Variants in PROX2 observed in about 807,000 individuals in gnomAD.
The protein encoded by PROX2 is prospero homeobox protein 2.
Under a neutral mutation model 48.9 loss-of-function variants are expected in PROX2, and 46 were observed. The ratio of observed to expected loss-of-function variants is 0.94; its 90% confidence interval spans 0.74 to 1.20. The LOEUF is 1.20. Ranked by LOEUF, PROX2 falls within the 50% of genes most tolerant of loss-of-function variation. PROX2 has a pLI of 0.00. For missense variants in PROX2, 663 were observed against 719.4 expected (o/e 0.92, Z 0.90); for synonymous variants, 260 against 276.6 (o/e 0.94, Z 0.60).
chr14:74,872,529 T>C (rs1040548468), intron 1 of PROX2, among the ~76,000 whole-genome samples: 1 of 152,190 alleles, frequency 6.6e-6, no homozygotes, highest in African/African-American at 2.4e-5. Flanking sequence ...CATCTGTATA[T>C]GAATACATTT....
rs2140158077 is a variant in PROX2 at position 74,853,315 on chromosome 14, G to A, written c.*1817C>T. 1 of 152,318 alleles carries A rather than the reference G, an allele frequency of 6.6e-6. No homozygotes were observed. Among genetic ancestry groups the A allele is most frequent in the Admixed American group, 6.5e-5 (1 of 15,296 alleles). The allele number at this position is 152,318 out of a possible 1,614,324, so 9.4% of individuals were successfully genotyped here. On this transcript the variant is annotated 3_prime_UTR_variant, in exon 6 of 6. Coordinates refer to ENST00000556489, the MANE Select transcript of PROX2 (RefSeq NM_001243007.2). ...AACTTAGGTATGTAATGTCACTCTG[G>A]ATAGAGGGTTCTTCTACTATGTCCG... is the stretch of plus-strand genomic sequence containing the variant.
chr14:74,857,015 A>C lies in PROX2; in HGVS notation c.1414-20T>G. The C allele has an allele frequency of 6.2e-7, 1 of 1,609,072 alleles. No individual in the cohort carries two copies. The highest frequency in any genetic ancestry group is 1.1e-5 in the South Asian group (1 of 90,926). ...GTTGAACTGTACAAACAAGAGGTCC[A>C]TCCAGTCAGACATTTGCCACGAGGT... On this transcript the variant is annotated intron_variant, in intron 4 of 5. Coordinates refer to ENST00000556489, the MANE Select transcript of PROX2 (RefSeq NM_001243007.2).
chr14:74,864,164 C>T (rs993456559), intron 2 of PROX2, among the ~76,000 whole-genome samples, 156 bp from the exon 3 acceptor site: 2 of 152,100 alleles, frequency 1.3e-5, no homozygotes, highest in Non-Finnish European at 2.9e-5. Flanking sequence ...AGCCAGCTCC[C>T]AGGTAATGCT....
chr14:74,864,714 G>A (rs970496152), intron 2 of PROX2, among the ~76,000 whole-genome samples: 1 of 152,046 alleles, frequency 6.6e-6, no homozygotes, highest in Non-Finnish European at 1.5e-5. Context: ...GATGGCGGGC[G>A]CCTGTTAATC....
chr14:74,853,381 C>T lies in PROX2; in HGVS notation c.*1751G>A, dbSNP rs1352513025. 6.6e-6 allele frequency: 1 copy of T among 152,224 alleles called. No homozygotes were observed. The highest frequency in any genetic ancestry group is 2.4e-5 in the African/African-American group (1 of 41,452). The allele number at this position is 152,224 out of a possible 1,614,324, so 9.4% of individuals were successfully genotyped here. A position where few individuals can be genotyped will look rare whatever the true frequency, so the allele number is the denominator to read the frequency against. The stretch of plus-strand genomic sequence containing the variant: ...TTGCCCTTGCTCAGAGCACTCCATG[C>T]TTGCCTGTGTTTAAAACTTAGGTTT... On this transcript the variant is annotated 3_prime_UTR_variant, in exon 6 of 6. Coordinates refer to ENST00000556489, the MANE Select transcript of PROX2 (RefSeq NM_001243007.2).
At chr14:74,870,125 A>T (rs1327391030) in intron 2 of PROX2, among the ~76,000 whole-genome samples, 1 of 152,098 alleles carries the variant, frequency 6.6e-6, no homozygotes, top group Non-Finnish European at 1.5e-5. Flanking sequence ...TAGATATTAA[A>T]AATACAAAGA....
intron 3 of PROX2, 172 bp from the exon 4 acceptor site, chr14:74,858,686 A>T: frequency 1.8e-6 from 1 of 571,352 alleles, no homozygotes; most frequent in Non-Finnish European, 3.1e-6. Context: ...GCTGGATGAC[A>T]TATGTGCACA....
At chr14:74,873,774 A>G in intron 1 of PROX2, 2 of 466,554 alleles carry the variant, frequency 4.3e-6, no homozygotes, top group Non-Finnish European at 8.4e-6. Flanking sequence ...ACAGTATCCC[A>G]CCAAGCTTCA....
At chr14:74,864,494 G>A (rs777744012) in intron 2 of PROX2, among the ~76,000 whole-genome samples, 5 of 152,156 alleles carry the variant, frequency 3.3e-5, no homozygotes, top group Non-Finnish European at 4.4e-5. Flanking sequence ...TGTCTGATTC[G>A]GAGTGACTTT....
At chr14:74,857,979 C>G (rs1314126657) in intron 4 of PROX2, 2 of 153,844 alleles carry the variant, frequency 1.3e-5, no homozygotes, top group African/African-American at 4.8e-5. Context: ...TCAGGCTGGT[C>G]TCGAACTCCT....
At chr14:74,873,680 C>CA in intron 1 of PROX2, 1 of 372,710 alleles carries the variant, frequency 2.7e-6, no homozygotes, top group Non-Finnish European at 5.3e-6. Flanking sequence ...TTTAAAAAAA[C>CA]AAAATGAAGG....
At chr14:74,866,713 G>T (rs1408971615) in intron 2 of PROX2, among the ~76,000 whole-genome samples, 1 of 152,196 alleles carries the variant, frequency 6.6e-6, no homozygotes, top group African/African-American at 2.4e-5. Context: ...AGGACAAGAA[G>T]AGGAGTAGGT....
chr14:74,858,346 G>A (rs2091763204), intron 4 of PROX2, 61 bp downstream of exon 4: 1 of 1,068,270 alleles, frequency 9.4e-7, no homozygotes, highest in African/African-American at 1.6e-5. Context: ...CCTCACACCA[G>A]GCAAAACACA....
At chr14:74,856,130 C>T (rs1169467232) in intron 5 of PROX2, 5 of 152,240 alleles carry the variant, frequency 3.3e-5, no homozygotes, top group Non-Finnish European at 4.4e-5. Flanking sequence ...CAGATATACC[C>T]GGCACCTGCA....
Position 74,863,280 on chromosome 14 carries a change from G to C in PROX2, c.555C>G (p.Pro185=). ...GCTGGTGGTCACCGTCCACAACCCA[G>C]GGGCGAGGCCCACAGCCATTCCCCT... The part of the protein sequence containing the change: ...AKQGNGCGPR[P]WVVDGDHQQG... The change falls in exon 3 of 6, where the codon CCC becomes CCG. Residue 185 remains proline (P), a synonymous_variant. Coordinates refer to ENST00000556489, the MANE Select transcript of PROX2 (RefSeq NM_001243007.2). The C allele has an allele frequency of 6.2e-7, 1 of 1,613,964 alleles. No individual in the cohort carries two copies. The highest frequency in any genetic ancestry group is 8.5e-7 in the Non-Finnish European group (1 of 1,179,868).
Position 74,860,400 on chromosome 14 carries a change from G to T in PROX2, c.1306-1886C>A, listed in dbSNP as rs536042062. ...AAAAAAAAGATTGCATCATTCTTAG[G>T]GGGGGAAAATCATAGGGCCTGTCAA... On this transcript the variant is annotated intron_variant, in intron 3 of 5. Transcript: ENST00000556489. Among the ~76,000 whole-genome samples, 8 of 152,140 alleles carry T rather than the reference G, an allele frequency of 5.3e-5. No individual in the cohort carries two copies. The South Asian group carries it at 6.2e-4, about 12-fold the overall frequency.
chr14:74,862,897 C>T lies in PROX2; in HGVS notation c.938G>A (p.Arg313Lys). The part of the protein sequence containing the change: ...LSLAKRLDSP[R>K]YPIPPRMTPK... ...GGTCATTCTTGGAGGGATAGGGTAC[C>T]TAGGAGAATCTAGACGCTTGGCCAG... is the stretch of plus-strand genomic sequence containing the variant. Residue 313 changes from arginine to lysine, a missense_variant, in exon 3 of 6, where the codon AGG becomes AAG. By Grantham distance (26) the Arg-to-Lys change is conservative. Transcript: ENST00000556489. 1 of 1,613,784 alleles carries T rather than the reference C, an allele frequency of 6.2e-7. No individual in the cohort carries two copies.
At chr14:74,858,624 G>A in intron 3 of PROX2, 110 bp from the exon 4 acceptor site, 1 of 664,730 alleles carries the variant, frequency 1.5e-6, no homozygotes, top group Non-Finnish European at 2.6e-6. Flanking sequence ...TTTTCTGATT[G>A]GAATTGTGTA....
In PROX2 at chr14:74,856,667, G is replaced by C. The variant is rs1043420272; in HGVS notation, c.1608+134C>G. On this transcript the variant is annotated intron_variant, in intron 5 of 5. Transcript: ENST00000556489. Reference sequence around the variant, plus strand: ...TGTTGAGGCTGTAATCTTTGTGGATGATACAGAGATTGGCCCAGGCTGCCC... The same window carrying C: ...TGTTGAGGCTGTAATCTTTGTGGATCATACAGAGATTGGCCCAGGCTGCCC... 1.2e-5 allele frequency: 8 copies of C among 684,748 alleles called. No homozygotes were observed. The African/African-American group carries it at 1.4e-4, about 12-fold the overall frequency. 42.4% of individuals were successfully genotyped at this position (684,748 alleles called of 1,614,324 possible). A position where few individuals can be genotyped will look rare whatever the true frequency, so the allele number is the denominator to read the frequency against.
Sources: allele counts gnomAD v4.1 joint callset (sites outside exome capture counted in the v4.1 genomes callset), GRCh38; gene constraint gnomAD v4.1.1; transcripts MANE v1.5; gene names NCBI Gene and HGNC (gene_info 2026-07-23, HGNC 2026-07-21).